Variants in PADI1 observed in about 807,000 individuals in gnomAD.
PADI1 encodes the protein peptidyl arginine deiminase 1, also known as protein-arginine deiminase type-1.
A neutral mutation model predicts 74.8 loss-of-function variants in PADI1; 65 were observed. The observed-to-expected ratio is 0.87, with a 90% CI of 0.71 to 1.07. The LOEUF (loss-of-function observed/expected upper bound fraction) is 1.07. Among genes scored for constraint, PADI1 ranks in the 50% least tolerant of loss-of-function variants. The pLI is 0.00. For missense variants in PADI1, 943 were observed against 854.0 expected, an observed-to-expected ratio of 1.10 and a Z score of -1.30; for synonymous variants, 371 against 336.2, an observed-to-expected ratio of 1.10 and a Z score of -1.13.
At chr1:17,237,020 A>G (rs1389390353) in intron 11 of PADI1, among the ~76,000 whole-genome samples, 1 of 152,168 alleles carries the variant, frequency 6.6e-6, no homozygotes, top group Non-Finnish European at 1.5e-5. Flanking sequence ...TTGGCCGAGC[A>G]CGCTTCAGAT....
At position 17,240,653 on chromosome 1, in the gene PADI1, C is replaced by G. The variant is rs760900748; in HGVS notation, c.1651C>G (p.Arg551Gly). The G allele has an allele frequency of 1.2e-6, 2 of 1,613,930 alleles. No homozygotes were observed. Among genetic ancestry groups the G allele is most frequent in the Non-Finnish European group, 1.7e-6 (2 of 1,179,946 alleles). The change falls in exon 15 of 16, where the codon CGT becomes GGT. Residue 551 changes from arginine to glycine, a missense_variant. Physicochemically the swap from Arg to Gly is moderately radical, Grantham distance 125. Coordinates refer to ENST00000375471, the MANE Select transcript of PADI1 (RefSeq NM_013358.3). ...LHAQKCIDWNRNVLKRELGLA... is the reference protein window; with the variant it reads ...LHAQKCIDWNGNVLKRELGLA... Reference sequence around the variant, plus strand: ...TCCCCAGAAATGCATTGACTGGAACCGTAATGTGCTGAAGCGGGAGCTGGG... The same window carrying G: ...TCCCCAGAAATGCATTGACTGGAACGGTAATGTGCTGAAGCGGGAGCTGGG...
chr1:17,240,488 G>A (rs146437848), intron 14 of PADI1, 147 bp from the exon 15 acceptor site: 16 of 823,342 alleles, frequency 1.9e-5, no homozygotes, highest in Non-Finnish European at 3.0e-5. Flanking sequence ...CCCCCGGACA[G>A]CAATGGTTTC....
chr1:17,229,772 C>T (rs2072434118), intron 8 of PADI1, among the ~76,000 whole-genome samples: 1 of 152,202 alleles, frequency 6.6e-6, no homozygotes, highest in Non-Finnish European at 1.5e-5. Flanking sequence ...CTACCTGCCC[C>T]TCACTGCTAT....
rs138211722 is a variant in PADI1 at position 17,232,897 on chromosome 1, G to A, written c.1240G>A (p.Val414Ile). 53 of 1,613,084 alleles carry A rather than the reference G, an allele frequency of 3.3e-5. No homozygotes were observed. Among genetic ancestry groups the A allele is most frequent in the African/African-American group, 1.2e-4 (9 of 74,832 alleles). The change falls in exon 11 of 16, where the codon GTC becomes ATC. Residue 414 changes from valine to isoleucine, a missense_variant. Val to Ile is a conservative substitution (Grantham distance 29). Transcript: ENST00000375471. ...CCTTGACTCCTTCGGCAACCTGGAC[G>A]TCAGCCCGCCCGTCACGGTGGGCGG... ...SSLDSFGNLD[V>I]SPPVTVGGTE...
intron 13 of PADI1, among the ~76,000 whole-genome samples, chr1:17,239,265 G>A (rs565605909): frequency 2.0e-5 from 3 of 152,334 alleles, no homozygotes; most frequent in Non-Finnish European, 4.4e-5. Context: ...CACAAGGATA[G>A]CCCTGAGTTC....
intron 4 of PADI1, among the ~76,000 whole-genome samples, chr1:17,225,449 G>A (rs537083146): frequency 3.3e-5 from 5 of 152,158 alleles, no homozygotes; most frequent in South Asian, 2.1e-4. Context: ...TCCAGATCCC[G>A]ACCCTCATCA....
At chr1:17,239,599 C>A in intron 13 of PADI1, 105 bp from the exon 14 acceptor site, 1 of 821,120 alleles carries the variant, frequency 1.2e-6, no homozygotes, top group Non-Finnish European at 2.1e-6. Flanking sequence ...CTGACCCTGG[C>A]ACTGAGGTAG....
intron 1 of PADI1, among the ~76,000 whole-genome samples, chr1:17,208,957 A>T (rs1332069899): frequency 6.6e-6 from 1 of 152,154 alleles, no homozygotes; most frequent in Non-Finnish European, 1.5e-5. Flanking sequence ...AGCCTTCCCC[A>T]CCACTGCAAA....
chr1:17,215,808 C>T (rs2071962284), intron 1 of PADI1, among the ~76,000 whole-genome samples: 1 of 152,144 alleles, frequency 6.6e-6, no homozygotes, highest in Admixed American at 6.5e-5. Flanking sequence ...GCGATGCAGA[C>T]AGCATAAAAC....
intron 14 of PADI1, 76 bp from the exon 15 acceptor site, chr1:17,240,559 G>A: frequency 1.3e-6 from 2 of 1,544,916 alleles, no homozygotes. Flanking sequence ...CTCCACACGG[G>A]CCCAGCGCAC....
chr1:17,206,688 T>TCTTTTTC (rs201357995), intron 1 of PADI1, among the ~76,000 whole-genome samples: 379 of 129,396 alleles, frequency 2.9e-3, no homozygotes, highest in African/African-American at 0.011. Flanking sequence ...TTTTTCTTTT[T>TCTTTTTC]TTTTTTTTTT....
In PADI1 at chr1:17,214,219, G is replaced by A. The variant is rs542895175; in HGVS notation, c.93-8071G>A. Among the ~76,000 whole-genome samples the A allele has an allele frequency of 2.6e-5, 4 of 152,292 alleles. No homozygotes were observed. In the South Asian group the frequency reaches 8.3e-4, roughly 32 times the overall value. The stretch of plus-strand genomic sequence containing the variant: ...GGGATTGTGTCCATTTTACAGCGGA[G>A]GAAAATCGAGGCAGTTGAGTGACCC... On this transcript the variant is annotated intron_variant, in intron 1 of 15. Transcript: ENST00000375471.
At chr1:17,221,737 G>A (rs2072156997) in intron 1 of PADI1, among the ~76,000 whole-genome samples, 1 of 152,228 alleles carries the variant, frequency 6.6e-6, no homozygotes, top group African/African-American at 2.4e-5. Flanking sequence ...CGTGGCTGGA[G>A]CTAAGTGAGC....
intron 1 of PADI1, among the ~76,000 whole-genome samples, chr1:17,209,385 G>A (rs957161909): frequency 2.6e-5 from 4 of 152,150 alleles, no homozygotes; most frequent in African/African-American, 9.7e-5. Context: ...GGGGTCCTCC[G>A]CAAGTTCCAC....
At position 17,229,201 on chromosome 1, in the gene PADI1, G is replaced by A. The variant is rs1557471229; in HGVS notation, c.929+150G>A. On this transcript the variant is annotated intron_variant, in intron 8 of 15. Coordinates refer to ENST00000375471, the MANE Select transcript of PADI1 (RefSeq NM_013358.3). ...CTGGTGGCAGGACAGCAGCAGGTGG[G>A]CTGGGGCCCCACCCTGCCCAACCCT... 4.6e-6 allele frequency: 3 copies of A among 646,408 alleles called. No homozygotes were observed. In the East Asian group the frequency reaches 8.2e-5, roughly 18 times the overall value. 40.0% of individuals were successfully genotyped at this position (646,408 alleles called of 1,614,324 possible).
chr1:17,241,064 A>T (rs1318955478), intron 15 of PADI1, among the ~76,000 whole-genome samples: 1 of 151,312 alleles, frequency 6.6e-6, no homozygotes, highest in African/African-American at 2.4e-5. Flanking sequence ...TTTTTTTCTC[A>T]CCCAGATGGA....
At chr1:17,207,264 T>G (rs1378711300) in intron 1 of PADI1, among the ~76,000 whole-genome samples, 1 of 152,284 alleles carries the variant, frequency 6.6e-6, no homozygotes, top group Non-Finnish European at 1.5e-5. Flanking sequence ...CTGGGTTTCA[T>G]TTCCTCATCT....
intron 10 of PADI1, among the ~76,000 whole-genome samples, chr1:17,231,013 A>G (rs1384928492): frequency 6.6e-6 from 1 of 152,088 alleles, no homozygotes; most frequent in Non-Finnish European, 1.5e-5. Context: ...CCTTTTGGAG[A>G]GAATGCACCC....
chr1:17,238,188 ACAC>A (rs1187060891), intron 12 of PADI1, among the ~76,000 whole-genome samples: 2 of 152,162 alleles, frequency 1.3e-5, no homozygotes, highest in Non-Finnish European at 2.9e-5. Flanking sequence ...AGCTGGGATT[ACAC>A]CACCATGCCC....
Sources: gnomAD v4.1 joint callset for allele counts (sites outside exome capture counted in the v4.1 genomes callset) on GRCh38, gnomAD v4.1.1 for gene constraint, MANE v1.5 for transcripts, NCBI Gene and HGNC (gene_info 2026-07-23, HGNC 2026-07-21) for gene names.